PGAP4: variants seen among roughly 807,000 people sequenced by gnomAD.
PGAP4 encodes the protein GPI-N-acetylgalactosamine transferase PGAP4.
PGAP4 carries 12 observed loss-of-function variants against 28.2 expected under a neutral mutation model. The ratio of observed to expected loss-of-function variants is 0.42; its 90% CI spans 0.27 to 0.69. The LOEUF (loss-of-function observed/expected upper bound fraction) is 0.69. PGAP4 is among the 30% of genes least tolerant of loss of function. The pLI is 0.22. For synonymous variants in PGAP4, 205 were observed against 211.8 expected (o/e 0.97, Z 0.28); for missense variants, 425 against 513.5 (o/e 0.83, Z 1.67).
rs1826738189 is a variant in PGAP4 at position 101,495,461 on chromosome 9, A to G, written c.-164-6261T>C. 2.2e-5 allele frequency among the ~76,000 whole-genome samples: 3 copies of G among 137,542 alleles called. No homozygotes were observed. In the South Asian group the frequency reaches 6.4e-4, roughly 29 times the overall value. The allele number at this position is 137,542 out of a possible 152,430, so 90.2% of individuals were successfully genotyped here. A position where few individuals can be genotyped will look rare whatever the true frequency, so the allele number is the denominator to read the frequency against. ...TATATAATATATATTATATATACTT[A>G]TATTTTATATATAATATATATAGGC... On this transcript the variant is annotated intron_variant, in intron 2 of 3. Coordinates refer to the PGAP4 transcript ENST00000374851.
chr9:101,498,082 G>A (rs922315797), intron 2 of PGAP4, among the ~76,000 whole-genome samples: 2 of 151,734 alleles, frequency 1.3e-5, no homozygotes, highest in Non-Finnish European at 3.0e-5. Context: ...TTTGAGTAAA[G>A]CGTTTTTCAG....
At chr9:101,511,682 A>G (rs1564100763) in intron 2 of PGAP4, among the ~76,000 whole-genome samples, 1 of 152,136 alleles carries the variant, frequency 6.6e-6, no homozygotes, top group Non-Finnish European at 1.5e-5. Context: ...TAAAATTGCA[A>G]ACATTATTTA....
chr9:101,490,401 G>A (rs551737198), upstream of PGAP4, among the ~76,000 whole-genome samples: 1 of 152,040 alleles, frequency 6.6e-6, no homozygotes, highest in African/African-American at 2.4e-5. Context: ...TTTTGGCCAG[G>A]CTGGTCTCAA....
chr9:101,521,848 A>G (rs1043537141), intron 2 of PGAP4, among the ~76,000 whole-genome samples: 3 of 152,108 alleles, frequency 2.0e-5, no homozygotes, highest in African/African-American at 7.2e-5. Flanking sequence ...GTAGGTATTT[A>G]GGGCTATGAA....
intron 2 of PGAP4, chr9:101,501,759 A>G: frequency 1.9e-6 from 1 of 519,014 alleles, no homozygotes; most frequent in Admixed American, 1.9e-5. Context: ...TTTCTGTCCC[A>G]ACTAACATCT....
At chr9:101,490,818 G>C (rs561434757), upstream of PGAP4, among the ~76,000 whole-genome samples, 7 of 152,148 alleles carry the variant, frequency 4.6e-5, no homozygotes, top group Non-Finnish European at 8.8e-5. Context: ...GTGGGGCTTG[G>C]AAGAAAAAAA....
In PGAP4 at chr9:101,475,800, C is replaced by T. The variant is rs908541826; in HGVS notation, c.*81G>A. The T allele has an allele frequency of 6.0e-5, 85 of 1,417,854 alleles. No homozygotes were observed. Among genetic ancestry groups the T allele is most frequent in the Non-Finnish European group, 7.7e-5 (80 of 1,032,578 alleles). The allele number at this position is 1,417,854 out of a possible 1,614,324, so 87.8% of individuals were successfully genotyped here. On this transcript the variant is annotated 3_prime_UTR_variant, in exon 2 of 2. Coordinates refer to ENST00000374848, the MANE Select transcript of PGAP4 (RefSeq NM_032342.3). ...ACAACAGTAAACAGTGAAATACCTG[C>T]AGGCAACCATGTCTAAATAAAGAGA...
chr9:101,532,871 A>T (rs1392814525), exon 1 of PGAP4: 1 of 152,198 alleles, frequency 6.6e-6, no homozygotes, highest in African/African-American at 2.4e-5. Flanking sequence ...ACAGAAATCC[A>T]GTGTAGATTA....
Position 101,519,579 on chromosome 9 carries a change from C to T in PGAP4, c.-165+11769G>A, listed in dbSNP as rs184641541. ...GTGGGTGGTCTGCTTACTTTGCTGA[C>T]TGTTCCTTTTGCTGTGCAAAAGCTC... On this transcript the variant is annotated intron_variant, in intron 2 of 3. Transcript: ENST00000374851. 8.6e-4 allele frequency among the ~76,000 whole-genome samples: 131 copies of T among 151,912 alleles called. 1 individual carries two copies. The highest frequency in any genetic ancestry group is 3.0e-3 in the African/African-American group (123 of 41,468).
chr9:101,533,377 C>T (rs1192205797), exon 1 of PGAP4: 2 of 152,226 alleles, frequency 1.3e-5, no homozygotes, highest in Non-Finnish European at 2.9e-5. Flanking sequence ...AAAAAATCCC[C>T]AACATCTGAA....
At position 101,477,234 on chromosome 9, in the gene PGAP4, A is replaced by ACAAAC. The variant is rs1554707395; in HGVS notation, c.-77-66_-77-65insGTTTG. 3.3e-4 allele frequency: 436 copies of ACAAAC among 1,313,592 alleles called. 2 individuals carry two copies. The African/African-American group carries it at 6.0e-3, about 18-fold the overall frequency. The allele number at this position is 1,313,592 out of a possible 1,614,324, so 81.4% of individuals were successfully genotyped here. The stretch of plus-strand genomic sequence containing the variant: ...AAAAAACAAACAAACAAACAAACAA[A>ACAAAC]AAAACAAAAGGACAAGAACTGAGCT... On this transcript the variant is annotated intron_variant, in intron 1 of 1. Transcript: ENST00000374848.
At chr9:101,531,209 C>CACACAT (rs1418970382) in intron 2 of PGAP4, 1 of 151,230 alleles carries the variant, frequency 6.6e-6, no homozygotes. Flanking sequence ...CACACACACA[C>CACACAT]ACACACACAC....
chr9:101,522,175 A>G (rs773826916), intron 2 of PGAP4, among the ~76,000 whole-genome samples: 2 of 152,098 alleles, frequency 1.3e-5, no homozygotes, highest in Non-Finnish European at 2.9e-5. Flanking sequence ...TGTTGAATAG[A>G]ATGCATATTC....
intron 2 of PGAP4, among the ~76,000 whole-genome samples, chr9:101,494,429 T>A (rs569366742): frequency 1.6e-3 from 248 of 151,812 alleles, no homozygotes; most frequent in Non-Finnish European, 3.0e-3. Flanking sequence ...TGAGAGAAAA[T>A]TTTCTTAAAT....
intron 2 of PGAP4, among the ~76,000 whole-genome samples, chr9:101,503,094 A>G (rs919159994): frequency 4.6e-5 from 7 of 152,018 alleles, no homozygotes; most frequent in Admixed American, 2.0e-4. Context: ...CTCACTTCTC[A>G]GGGTTGGGGT....
intron 2 of PGAP4, among the ~76,000 whole-genome samples, chr9:101,504,026 C>T (rs1445709350): frequency 6.6e-6 from 1 of 151,282 alleles, no homozygotes; most frequent in African/African-American, 2.4e-5. Flanking sequence ...AGACAATCCC[C>T]CAAAAGGCCA....
chr9:101,482,459 T>C (rs1214835913), intron 1 of PGAP4, among the ~76,000 whole-genome samples: 1 of 152,186 alleles, frequency 6.6e-6, no homozygotes, highest in East Asian at 1.9e-4. Context: ...AGACAACAGC[T>C]ATGATAGCCC....
chr9:101,500,255 G>A (rs996382322), intron 2 of PGAP4, among the ~76,000 whole-genome samples: 1 of 152,032 alleles, frequency 6.6e-6, no homozygotes, highest in Admixed American at 6.6e-5. Flanking sequence ...CAAAGTCATG[G>A]TGTCAACAGA....
At chr9:101,526,409 C>G (rs981290630) in intron 2 of PGAP4, among the ~76,000 whole-genome samples, 1 of 152,168 alleles carries the variant, frequency 6.6e-6, no homozygotes, top group African/African-American at 2.4e-5. Context: ...ATTGAAATCT[C>G]TATTACCCTG....
Sources: allele counts gnomAD v4.1 joint callset (sites outside exome capture counted in the v4.1 genomes callset), GRCh38; gene constraint gnomAD v4.1.1; transcripts MANE v1.5; gene names NCBI Gene and HGNC (gene_info 2026-07-23, HGNC 2026-07-21).